The following ASTN2 variants were observed in gnomAD, a reference collection of about 807,000 sequenced individuals.
The protein encoded by ASTN2 is astrotactin 2.
A neutral mutation model predicts 139.8 loss-of-function variants in ASTN2; 54 were observed. The ratio of observed to expected loss-of-function variants is 0.39; its 90% CI spans 0.31 to 0.48. ASTN2 has a LOEUF of 0.48. Ranked by LOEUF, ASTN2 falls within the 20% of genes least tolerant of loss-of-function variation. ASTN2 has a pLI of 0.95. For synonymous variants in ASTN2, 756 were observed against 719.5 expected (o/e 1.05, Z -0.81); for missense variants, 1,565 against 1,725.1 (o/e 0.91, Z 1.64).
At chr9:117,411,120 C>A (rs140470088) in intron 1 of ASTN2, among the ~76,000 whole-genome samples, 1 of 152,234 alleles carries the variant, frequency 6.6e-6, no homozygotes, top group East Asian at 1.9e-4. Context: ...CTTTGGATTA[C>A]GCGTTTGACC....
At chr9:116,641,490 GGTTCAGTGA>G (rs1432486963) in intron 17 of ASTN2, among the ~76,000 whole-genome samples, 1 of 152,040 alleles carries the variant, frequency 6.6e-6, no homozygotes, top group Non-Finnish European at 1.5e-5. Flanking sequence ...TTGATGAGAG[GGTTCAGTGA>G]GCCAAGTACA....
chr9:116,473,241 C>T (rs183966717), intron 20 of ASTN2, among the ~76,000 whole-genome samples: 1 of 152,268 alleles, frequency 6.6e-6, no homozygotes, highest in East Asian at 1.9e-4. Flanking sequence ...TACCTATTAT[C>T]GATCTTTGAT....
chr9:116,960,761 GACCTA>G (rs1835854300), intron 10 of ASTN2, among the ~76,000 whole-genome samples: 1 of 152,012 alleles, frequency 6.6e-6, no homozygotes, highest in Non-Finnish European at 1.5e-5. Context: ...TTTTCCTCCT[GACCTA>G]TACTATTCTC....
intron 2 of ASTN2, 49 bp downstream of exon 2, chr9:117,291,277 T>C: frequency 1.3e-6 from 2 of 1,599,980 alleles, no homozygotes; most frequent in Non-Finnish European, 1.7e-6. Flanking sequence ...CTCCACCCAT[T>C]CCTCCCCCAC....
intron 17 of ASTN2, among the ~76,000 whole-genome samples, chr9:116,631,290 C>G (rs967544210): frequency 6.6e-6 from 1 of 152,080 alleles, no homozygotes; most frequent in African/African-American, 2.4e-5. Context: ...GTACTGTTAA[C>G]AATAACCAAG....
At chr9:116,743,303 C>G (rs2132141209) in intron 13 of ASTN2, among the ~76,000 whole-genome samples, 1 of 152,276 alleles carries the variant, frequency 6.6e-6, no homozygotes, top group African/African-American at 2.4e-5. Flanking sequence ...GTAATCCCAG[C>G]ACTTTGGGAG....
intron 22 of ASTN2, among the ~76,000 whole-genome samples, chr9:116,439,066 T>TTTTTTTTCTG (rs1231541908): frequency 6.6e-6 from 1 of 152,162 alleles, no homozygotes. Flanking sequence ...TTGTTTTCTG[T>TTTTTTTTCTG]TTTTTGTCTT....
At chr9:117,119,527 C>A (rs1250390583) in intron 4 of ASTN2, among the ~76,000 whole-genome samples, 1 of 152,160 alleles carries the variant, frequency 6.6e-6, no homozygotes, top group Admixed American at 6.5e-5. Context: ...CATCTCACAG[C>A]TTTCACTCCA....
At chr9:116,774,491 G>C (rs73655484) in intron 13 of ASTN2, among the ~76,000 whole-genome samples, 3,653 of 152,222 alleles carry the variant, frequency 0.024, 129 homozygotes, top group African/African-American at 0.083. Context: ...GTGGTGCTAG[G>C]TACAATGCTA....
chr9:117,308,746 A>G (rs1419625201), intron 1 of ASTN2, among the ~76,000 whole-genome samples: 1 of 152,128 alleles, frequency 6.6e-6, no homozygotes, highest in Non-Finnish European at 1.5e-5. Flanking sequence ...GGACAGCTTT[A>G]AAAGGTGGTC....
chr9:117,224,823 A>G (rs975633404), intron 2 of ASTN2, among the ~76,000 whole-genome samples: 1 of 152,076 alleles, frequency 6.6e-6, no homozygotes, highest in African/African-American at 2.4e-5. Flanking sequence ...GTGGGTCATG[A>G]GTTCTCTGAA....
At chr9:116,497,340 CAA>C (rs1205936079) in intron 19 of ASTN2, among the ~76,000 whole-genome samples, 1 of 152,134 alleles carries the variant, frequency 6.6e-6, no homozygotes, top group African/African-American at 2.4e-5. Flanking sequence ...CCTCACTGTT[CAA>C]AGAGTTCACA....
intron 3 of ASTN2, among the ~76,000 whole-genome samples, chr9:117,141,689 C>T (rs894590563): frequency 1.3e-5 from 2 of 152,208 alleles, no homozygotes; most frequent in African/African-American, 4.8e-5. Context: ...GGATTACATA[C>T]TTATGTATTC....
rs1831279233 is a variant in ASTN2, at chr9:117,414,713, G to A, written c.226C>T (p.Leu76=). 1.6e-6 allele frequency: 2 copies of A among 1,272,340 alleles called. No homozygotes were observed. Among genetic ancestry groups the A allele is most frequent in the Non-Finnish European group, 2.0e-6 (2 of 1,009,278 alleles). 78.8% of individuals were successfully genotyped at this position (1,272,340 alleles called of 1,614,324 possible). A position where few individuals can be genotyped will look rare whatever the true frequency, so the allele number is the denominator to read the frequency against. ...KTVTVSTLPA[L]RESDIGWSGA... is the part of the protein sequence containing the mutation. ...CTCCAGCCGATGTCGCTCTCCCGCA[G>A]GGCGGGCAGTGTGGACACCGTGACG... Residue 76 remains leucine (L), a synonymous_variant, in exon 1 of 23, where the codon CTG becomes TTG. Transcript: ENST00000313400. This position sits in a 1 kb window ranked among gnomAD's most constrained non-coding sequence, Gnocchi z 4.2.
chr9:116,729,162 C>G, intron 14 of ASTN2, 66 bp from the exon 15 acceptor site: 4 of 1,251,270 alleles, frequency 3.2e-6, no homozygotes, highest in Non-Finnish European at 4.5e-6. Flanking sequence ...CATTGTTCAC[C>G]CTGCAGCTCT....
chr9:116,552,193 GCA>G (rs1852382120), intron 19 of ASTN2: 1 of 152,190 alleles, frequency 6.6e-6, no homozygotes. Context: ...ATGTGTGAAA[GCA>G]CAGAGAGGTG....
chr9:117,337,387 C>T (rs141525361), intron 1 of ASTN2, among the ~76,000 whole-genome samples: 23 of 152,158 alleles, frequency 1.5e-4, no homozygotes, highest in African/African-American at 3.4e-4. Flanking sequence ...AGTTAGAATG[C>T]GGAGAAATAA....
intron 13 of ASTN2, among the ~76,000 whole-genome samples, chr9:116,770,210 T>C (rs1017720578): frequency 5.3e-5 from 8 of 151,456 alleles, no homozygotes; most frequent in Admixed American, 2.0e-4. Context: ...TTGGAGAACA[T>C]AGATGGGGGT....
intron 19 of ASTN2, among the ~76,000 whole-genome samples, chr9:116,510,277 T>G (rs1255392495): frequency 1.3e-5 from 2 of 152,206 alleles, no homozygotes; most frequent in Admixed American, 1.3e-4. Context: ...CTTTCCCCAT[T>G]TCTTGCTCTT....
Sources: gnomAD v4.1 joint callset for allele counts (sites outside exome capture counted in the v4.1 genomes callset) on GRCh38, gnomAD v4.1.1 for gene constraint, Gnocchi (gnomAD v3.1) non-coding constraint, MANE v1.5 for transcripts, NCBI Gene and HGNC (gene_info 2026-07-23, HGNC 2026-07-21) for gene names.